Variants in SRCAP observed in about 807,000 individuals in gnomAD.
SRCAP encodes the protein chromatin remodeling protein SRCAP.
Under a neutral mutation model 263.1 loss-of-function variants are expected in SRCAP, and 46 were observed. The observed-to-expected ratio is 0.17, with a 90% CI of 0.14 to 0.22. SRCAP has a LOEUF of 0.22. Ranked by LOEUF, SRCAP falls within the 10% of genes least tolerant of loss-of-function variation. SRCAP has a pLI of 1.00. For synonymous variants in SRCAP, 1,813 were observed against 1,662.1 expected, an observed-to-expected ratio of 1.09 and a Z score of -2.21; for missense variants, 3,695 against 4,181.9, an observed-to-expected ratio of 0.88 and a Z score of 3.21.
Position 30,712,255 on chromosome 16 carries a change from C to G in SRCAP, c.1816-7C>G, listed in dbSNP as rs773612468. On this transcript the variant is annotated splice_region_variant and splice_polypyrimidine_tract_variant and intron_variant, in intron 12 of 33. Transcript: ENST00000262518. Reference sequence around the variant, plus strand: ...CCATTGTGTTACCTATATTTCCTCTCTGACAGGTAAAGACGCCCATTCCCC... The same window carrying G: ...CCATTGTGTTACCTATATTTCCTCTGTGACAGGTAAAGACGCCCATTCCCC... 6.3e-7 allele frequency: 1 copy of G among 1,593,048 alleles called. No homozygotes were observed. Among genetic ancestry groups the G allele is most frequent in the Non-Finnish European group, 8.6e-7 (1 of 1,168,952 alleles).
At chr16:30,713,884 C>T (rs992749184) in intron 16 of SRCAP, among the ~76,000 whole-genome samples, 173 bp downstream of exon 16, 2 of 147,490 alleles carry the variant, frequency 1.4e-5, no homozygotes, top group Non-Finnish European at 3.0e-5. Context: ...GTGACCTCAT[C>T]TTAGTCATCA....
In SRCAP at chr16:30,738,479, T is replaced by A; in HGVS notation, c.8439T>A (p.Pro2813=). 6.3e-7 allele frequency: 1 copy of A among 1,595,912 alleles called. No individual in the cohort carries two copies. Among genetic ancestry groups the A allele is most frequent in the Non-Finnish European group, 8.5e-7 (1 of 1,170,654 alleles). Residue 2813 remains proline, a synonymous_variant, in exon 34 of 34, where the codon CCT becomes CCA. Transcript: ENST00000262518. ...PPIGGPCEAA[P]SSSLPTPPQQ... ...TTGGTGGGCCCTGTGAAGCTGCTCC[T>A]TCATCCTCACTGCCCACTCCACCCC...
chr16:30,703,846 G>A (rs987185870), intron 3 of SRCAP, among the ~76,000 whole-genome samples: 4 of 152,126 alleles, frequency 2.6e-5, no homozygotes, highest in Admixed American at 6.5e-5. Flanking sequence ...GCGGTGAGCC[G>A]AGATCGCGCC....
rs1356963864 is a variant in SRCAP at position 30,740,481 on chromosome 16, G to A, written c.*748G>A. 1 of 152,472 alleles carries A rather than the reference G, an allele frequency of 6.6e-6. No homozygotes were observed. The highest frequency in any genetic ancestry group is 6.5e-5 in the Admixed American group (1 of 15,288). The allele number at this position is 152,472 out of a possible 1,614,324, so 9.4% of individuals were successfully genotyped here. On this transcript the variant is annotated 3_prime_UTR_variant, in exon 34 of 34. Transcript: ENST00000262518. ...CTTTTTCCAGAGGGCAGGCGTCCTA[G>A]CTCCAGTTGCTCCATCCCTTGGGCC...
Position 30,737,479 on chromosome 16 carries a change from A to G in SRCAP, c.7439A>G (p.His2480Arg). Residue 2480 changes from histidine (H) to arginine (R), a missense_variant, in exon 34 of 34, where the codon CAT becomes CGT. His to Arg is a conservative substitution (Grantham distance 29). This residue lies in a region of SRCAP where 1,207 missense variants were observed against 1,142.9 expected (regional missense o/e 1.06). Transcript: ENST00000262518. ...AATCCAATAACCATTCTCCCTGTCC[A>G]TATCTTGCCTTCTCCTCCCCCTCCT... is the stretch of plus-strand genomic sequence containing the variant. ...APNPITILPVHILPSPPPPSQ... is the reference protein window; with the variant it reads ...APNPITILPVRILPSPPPPSQ... 2 of 1,592,680 alleles carry G rather than the reference A, an allele frequency of 1.3e-6. No homozygotes were observed. The highest frequency in any genetic ancestry group is 1.7e-6 in the Non-Finnish European group (2 of 1,163,670).
intron 25 of SRCAP, among the ~76,000 whole-genome samples, chr16:30,727,972 G>A (rs2053078779): frequency 6.6e-6 from 1 of 152,160 alleles, no homozygotes; most frequent in African/African-American, 2.4e-5. Flanking sequence ...TTGAGCCACT[G>A]CTCCTGGCCA....
intron 19 of SRCAP, among the ~76,000 whole-genome samples, 160 bp from the exon 20 acceptor site, chr16:30,720,549 GCTTT>G (rs1001037243): frequency 4.6e-5 from 7 of 152,178 alleles, no homozygotes; most frequent in Non-Finnish European, 8.8e-5. Flanking sequence ...TCTGTTCGGT[GCTTT>G]CTGATTGTCT....
At chr16:30,720,669 A>T in intron 19 of SRCAP, 44 bp from the exon 20 acceptor site, 1 of 1,526,050 alleles carries the variant, frequency 6.6e-7, no homozygotes, top group Non-Finnish European at 8.8e-7. Flanking sequence ...GCTACCCCTT[A>T]TTCTCCTTCT....
chr16:30,717,883 A>G (rs921599693), intron 18 of SRCAP, among the ~76,000 whole-genome samples: 1 of 149,746 alleles, frequency 6.7e-6, no homozygotes, highest in Non-Finnish European at 1.5e-5. Flanking sequence ...CTGGGATTAC[A>G]GATGTGAGCC....
At position 30,737,823 on chromosome 16, in the gene SRCAP, G is replaced by A; in HGVS notation, c.7783G>A (p.Val2595Met). The A allele has an allele frequency of 2.5e-6, 4 of 1,614,190 alleles. No individual in the cohort carries two copies. Among genetic ancestry groups the A allele is most frequent in the Non-Finnish European group, 2.5e-6 (3 of 1,180,048 alleles). Residue 2595 changes from valine (V) to methionine (M), a missense_variant, in exon 34 of 34, where the codon GTG becomes ATG. Val to Met is a conservative substitution (Grantham distance 21, BLOSUM62 1). Coordinates refer to ENST00000262518, the MANE Select transcript of SRCAP (RefSeq NM_006662.3). ...GCCAGTTGCTGTGGAGATCCTGCCTGTGTCAGAGAAGAACCTTTCTCTCAC... is the reference window on the plus strand; with the variant it reads ...GCCAGTTGCTGTGGAGATCCTGCCTATGTCAGAGAAGAACCTTTCTCTCAC... ...LLPVAVEILPVSEKNLSLTPS... is the reference protein window; with the variant it reads ...LLPVAVEILPMSEKNLSLTPS...
At chr16:30,710,240 A>G in intron 8 of SRCAP, 112 bp downstream of exon 8, 3 of 1,145,656 alleles carry the variant, frequency 2.6e-6, no homozygotes, top group Non-Finnish European at 2.5e-6. Flanking sequence ...TCTGCTAGTA[A>G]TGGACATTTG....
chr16:30,707,316 T>G lies in SRCAP; in HGVS notation c.440T>G (p.Leu147Arg). Residue 147 changes from leucine (L) to arginine (R), a missense_variant, in exon 5 of 34, where the codon CTC becomes CGC. Physicochemically the swap from Leu to Arg is moderately radical, Grantham distance 102. This residue lies in a region of SRCAP where 107 missense variants were observed against 223.8 expected (regional missense o/e 0.48). Coordinates refer to ENST00000262518, the MANE Select transcript of SRCAP (RefSeq NM_006662.3). ...WDYLCEEMQW[L>R]SADFAQERRW... ...TATTTGTGCGAAGAGATGCAGTGGC[T>G]CTCTGCTGACTTTGCTCAGGAGCGC... The G allele has an allele frequency of 6.2e-7, 1 of 1,614,186 alleles. No homozygotes were observed.
chr16:30,708,479 T>C (rs576590452), intron 6 of SRCAP, among the ~76,000 whole-genome samples: 1 of 152,296 alleles, frequency 6.6e-6, no homozygotes, highest in South Asian at 2.1e-4. Context: ...CTGCAACCTC[T>C]GCCTCCCAGG....
At chr16:30,718,611 A>G (rs1040399421) in intron 18 of SRCAP, among the ~76,000 whole-genome samples, 1 of 151,702 alleles carries the variant, frequency 6.6e-6, no homozygotes, top group African/African-American at 2.4e-5. Context: ...AACTGGGACT[A>G]CAGGTGTGTG....
chr16:30,711,873 C>T lies in SRCAP; in HGVS notation c.1531C>T (p.His511Tyr), dbSNP rs991155397. The T allele has an allele frequency of 1.2e-5, 20 of 1,613,620 alleles. No homozygotes were observed. The highest frequency in any genetic ancestry group is 1.7e-5 in the Non-Finnish European group (20 of 1,180,006). The change falls in exon 12 of 34, where the codon CAT (histidine) becomes TAT (tyrosine). Residue 511 changes from histidine (H) to tyrosine (Y), a missense_variant. Around this residue, in one of 12 missense-constraint regions of SRCAP, gnomAD observed 288 missense variants for 302.4 expected, o/e 0.95. Transcript: ENST00000262518. ...CCGGAGTGAGGATGAGGAAGATGAA[C>T]ATTCAGAGGAGGAAGAAACAAGTGG... is the stretch of plus-strand genomic sequence containing the variant. ...EDRSEDEEDEHSEEEETSGSS... is the reference protein window; with the variant it reads ...EDRSEDEEDEYSEEEETSGSS...
rs781703076 is a variant in SRCAP at position 30,722,690 on chromosome 16, G to A, written c.3834G>A (p.Ser1278=). Residue 1278 remains serine, a synonymous_variant, in exon 23 of 34, where the codon TCG becomes TCA. Transcript: ENST00000262518. ...CCCCTGTCTCTGTGCTGCCTTCTTC[G>A]ACCCCCAGCACCACCCCTGCCCCTA... is the stretch of plus-strand genomic sequence containing the variant. ...GPTPVSVLPS[S]TPSTTPAPTG... is the part of the protein sequence containing the mutation. 1.2e-5 allele frequency: 20 copies of A among 1,613,256 alleles called. No homozygotes were observed. The East Asian group carries it at 2.9e-4, about 23-fold the overall frequency.
intron 3 of SRCAP, chr16:30,701,391 T>C (rs2052764534): frequency 6.6e-6 from 1 of 152,436 alleles, no homozygotes; most frequent in Non-Finnish European, 1.5e-5. Flanking sequence ...GCTAATCTTT[T>C]CTGTATCCTC....
rs779037352 is a variant in SRCAP at position 30,712,674 on chromosome 16, A to G, written c.1994-5A>G. The G allele has an allele frequency of 6.2e-7, 1 of 1,612,900 alleles. No individual in the cohort carries two copies. The highest frequency in any genetic ancestry group is 8.5e-7 in the Non-Finnish European group (1 of 1,179,658). On this transcript the variant is annotated splice_region_variant and splice_polypyrimidine_tract_variant and intron_variant, in intron 13 of 33. Coordinates refer to ENST00000262518, the MANE Select transcript of SRCAP (RefSeq NM_006662.3). ...CTTACCATCTCTGATTTTTTTGCCTAACAGGTAACTGGGGTCCCCATTTAA... is the reference window on the plus strand; with the variant it reads ...CTTACCATCTCTGATTTTTTTGCCTGACAGGTAACTGGGGTCCCCATTTAA...
At chr16:30,711,779 GGTGGCCATT>G in intron 11 of SRCAP, 35 bp downstream of exon 11, 1 of 1,610,012 alleles carries the variant, frequency 6.2e-7, no homozygotes, top group East Asian at 2.2e-5. Flanking sequence ...AGCTGGGGAG[GGTGGCCATT>G]GGAAGAGCAG....
Sources: allele counts gnomAD v4.1 joint callset (sites outside exome capture counted in the v4.1 genomes callset), GRCh38; gene constraint gnomAD v4.1.1; regional missense constraint gnomAD v4.1.1; transcripts MANE v1.5; gene names NCBI Gene and HGNC (gene_info 2026-07-23, HGNC 2026-07-21).